The following OTUD7A variants were observed in gnomAD, a reference collection of about 807,000 sequenced individuals.
OTUD7A encodes the protein OTU domain-containing protein 7A.
In OTUD7A, 12 loss-of-function variants were observed where a neutral mutation model predicts 65.7. The ratio of observed to expected loss-of-function variants is 0.18; its 90% CI spans 0.12 to 0.30. The LOEUF (loss-of-function observed/expected upper bound fraction) is 0.30. Among genes scored for constraint, OTUD7A ranks in the 10% least tolerant of loss-of-function variants. The probability of loss-of-function intolerance (pLI) is 1.00; values close to 1 mark genes in which losing one functional copy is unlikely to be tolerated. For synonymous variants in OTUD7A, 641 were observed against 586.3 expected, an observed-to-expected ratio of 1.09 and a Z score of -1.35; for missense variants, 1,148 against 1,304.8, an observed-to-expected ratio of 0.88 and a Z score of 1.85.
Position 31,765,915 on chromosome 15 carries a change from G to C in OTUD7A, c.-100+104592C>G, listed in dbSNP as rs1411673420. ...TAGTTTTTTTCTTTTCTCCTTTAGA[G>C]GTAAAGTCCTGTTTTTAACAATATT... is the stretch of plus-strand genomic sequence containing the variant. On this transcript the variant is annotated intron_variant, in intron 1 of 12. Transcript: ENST00000307050. 6.2e-5 allele frequency: 79 copies of C among 1,274,068 alleles called. 1 individual carries two copies. The highest frequency in any genetic ancestry group is 2.5e-5 in the South Asian group (2 of 81,154). 78.9% of individuals were successfully genotyped at this position (1,274,068 alleles called of 1,614,324 possible). A position where few individuals can be genotyped will look rare whatever the true frequency, so the allele number is the denominator to read the frequency against.
At chr15:31,554,746 C>A (rs1327512747) in intron 5 of OTUD7A, among the ~76,000 whole-genome samples, 2 of 152,204 alleles carry the variant, frequency 1.3e-5, no homozygotes, top group African/African-American at 4.8e-5. Flanking sequence ...GATGATACTT[C>A]CCAACCCAGA....
intron 1 of OTUD7A, among the ~76,000 whole-genome samples, chr15:31,784,665 C>T (rs1201480950): frequency 6.6e-6 from 1 of 152,106 alleles, no homozygotes; most frequent in Non-Finnish European, 1.5e-5. Context: ...GGGAACCTGA[C>T]ATCAAAAATT....
rs1225963644 is a variant in OTUD7A at position 31,484,999 on chromosome 15, C to A, written c.1372-275G>T. Among the ~76,000 whole-genome samples, 1 of 152,228 alleles carries A rather than the reference C, an allele frequency of 6.6e-6. No homozygotes were observed. The highest frequency in any genetic ancestry group is 1.5e-5 in the Non-Finnish European group (1 of 68,042). ...CCAGGGAAGCTGGGGTGTACTCATT[C>A]TTTCTCTCTGGGGGACCTCAGGTAC... On this transcript the variant is annotated intron_variant, in intron 12 of 12. Transcript: ENST00000307050. This position sits in a 1 kb window ranked among gnomAD's most constrained non-coding sequence, Gnocchi z 4.5.
intron 1 of OTUD7A, among the ~76,000 whole-genome samples, chr15:31,851,678 C>T (rs1295570680): frequency 6.6e-6 from 1 of 152,216 alleles, no homozygotes; most frequent in Non-Finnish European, 1.5e-5. Flanking sequence ...GTCCTGCTGA[C>T]CTCCTGTTTA....
At chr15:31,645,291 T>A (rs1891628330) in intron 3 of OTUD7A, among the ~76,000 whole-genome samples, 1 of 152,246 alleles carries the variant, frequency 6.6e-6, no homozygotes, top group Non-Finnish European at 1.5e-5. Flanking sequence ...TTTATCATAT[T>A]TGTCTTTTTC....
At chr15:31,792,140 T>C (rs1246100950) in intron 1 of OTUD7A, among the ~76,000 whole-genome samples, 2 of 152,182 alleles carry the variant, frequency 1.3e-5, no homozygotes, top group East Asian at 3.8e-4. Flanking sequence ...CTATGTGCAA[T>C]CAGCAGGCAG....
intron 5 of OTUD7A, among the ~76,000 whole-genome samples, chr15:31,551,212 C>G (rs996753636): frequency 3.3e-5 from 5 of 152,186 alleles, no homozygotes; most frequent in Admixed American, 6.5e-5. Context: ...TCCGGAGACC[C>G]CATCATGGCC....
intron 4 of OTUD7A, among the ~76,000 whole-genome samples, chr15:31,562,536 G>A (rs1443461551): frequency 1.3e-5 from 2 of 151,960 alleles, no homozygotes; most frequent in East Asian, 1.9e-4. Flanking sequence ...GATGACCGGC[G>A]CCTCCCCGTG....
chr15:31,721,969 C>A (rs1339706833), intron 1 of OTUD7A, among the ~76,000 whole-genome samples: 8 of 152,338 alleles, frequency 5.3e-5, no homozygotes, highest in Middle Eastern at 3.4e-3. Flanking sequence ...CTGCTGCCTG[C>A]CTGCCTGAGG....
rs2041107343 is a variant in OTUD7A, at chr15:31,480,859, C to A, written c.*2435G>T. The A allele has an allele frequency of 6.6e-6, 1 of 152,346 alleles. No individual in the cohort carries two copies. The highest frequency in any genetic ancestry group is 3.4e-3 in the Middle Eastern group (1 of 294). 9.4% of individuals were successfully genotyped at this position (152,346 alleles called of 1,614,324 possible). ...TCTACAGGCGTCTGGCGCCTCGTTACCACATTGAGAAGCTGGGGTGCAGGA... is the reference window on the plus strand; with the variant it reads ...TCTACAGGCGTCTGGCGCCTCGTTAACACATTGAGAAGCTGGGGTGCAGGA... On this transcript the variant is annotated 3_prime_UTR_variant, in exon 13 of 13. Coordinates refer to ENST00000307050, the MANE Select transcript of OTUD7A (RefSeq NM_001382637.1).
At chr15:31,812,856 G>C (rs570787152) in intron 1 of OTUD7A, among the ~76,000 whole-genome samples, 1 of 152,256 alleles carries the variant, frequency 6.6e-6, no homozygotes, top group Admixed American at 6.5e-5. Flanking sequence ...TTGGTCCTCA[G>C]GACCCTTGAT....
At chr15:31,670,402 A>G (rs35264712) in intron 1 of OTUD7A, among the ~76,000 whole-genome samples, 12,767 of 141,822 alleles carry the variant, frequency 0.09, 1,599 homozygotes, top group African/African-American at 0.28. Flanking sequence ...CACTAACAGT[A>G]TAAATGCATT....
chr15:31,701,324 A>T (rs928018176), intron 1 of OTUD7A, among the ~76,000 whole-genome samples: 5 of 150,708 alleles, frequency 3.3e-5, no homozygotes, highest in Non-Finnish European at 7.4e-5. Flanking sequence ...ATTTGGAAAA[A>T]CTCGGTGAAA....
intron 6 of OTUD7A, 39 bp from the exon 7 acceptor site, chr15:31,527,347 G>A (rs2042029004): frequency 6.2e-7 from 1 of 1,605,866 alleles, no homozygotes; most frequent in Non-Finnish European, 8.5e-7. Flanking sequence ...GGAGAGAAAG[G>A]ACATGAGAAA....
chr15:31,855,829 CA>C (rs1235725282), intron 1 of OTUD7A, among the ~76,000 whole-genome samples: 1 of 152,192 alleles, frequency 6.6e-6, no homozygotes, highest in Non-Finnish European at 1.5e-5. Context: ...CAGCAACAAG[CA>C]AACAGGTATT....
intron 5 of OTUD7A, among the ~76,000 whole-genome samples, chr15:31,535,828 C>T (rs911720644): frequency 6.6e-6 from 1 of 151,892 alleles, no homozygotes; most frequent in African/African-American, 2.4e-5. Flanking sequence ...AGGTGCCCAC[C>T]ACCACGCCTG....
At chr15:31,810,896 G>A (rs1484448989) in intron 1 of OTUD7A, among the ~76,000 whole-genome samples, 1 of 152,152 alleles carries the variant, frequency 6.6e-6, no homozygotes, top group East Asian at 1.9e-4. Context: ...GAGCCCTAAA[G>A]GACACCCAGC....
At chr15:31,695,240 G>A (rs113778677) in intron 1 of OTUD7A, among the ~76,000 whole-genome samples, 2,059 of 142,392 alleles carry the variant, frequency 0.014, 58 homozygotes, top group African/African-American at 0.049. Flanking sequence ...GAACATAGGA[G>A]TGCAGGTAAC....
chr15:31,625,308 T>C (rs1177001913), intron 3 of OTUD7A, among the ~76,000 whole-genome samples: 1 of 152,056 alleles, frequency 6.6e-6, no homozygotes, highest in Non-Finnish European at 1.5e-5. Flanking sequence ...GTAAGAAATA[T>C]ATGATGGTTA....
Sources: gnomAD v4.1 joint callset for allele counts (sites outside exome capture counted in the v4.1 genomes callset) on GRCh38, gnomAD v4.1.1 for gene constraint, Gnocchi (gnomAD v3.1) non-coding constraint, MANE v1.5 for transcripts, NCBI Gene and HGNC (gene_info 2026-07-23, HGNC 2026-07-21) for gene names.